SLC39A9: variants seen among roughly 807,000 people sequenced by gnomAD.
SLC39A9 encodes solute carrier family 39 member 9.
In SLC39A9, 14 loss-of-function variants were observed where a neutral mutation model predicts 28.4. That is an observed-to-expected ratio of 0.49 (90% CI 0.33 to 0.77). The LOEUF (loss-of-function observed/expected upper bound fraction) is 0.77. SLC39A9 is among the 30% of genes least tolerant of loss of function. SLC39A9 has a pLI of 0.02. For missense variants in SLC39A9, 283 were observed against 381.1 expected (o/e 0.74, Z 2.14); for synonymous variants, 119 against 149.6 (o/e 0.80, Z 1.49).
At chr14:69,414,025 C>G (rs1013555294) in intron 1 of SLC39A9, among the ~76,000 whole-genome samples, 6 of 151,268 alleles carry the variant, frequency 4.0e-5, no homozygotes, top group African/African-American at 1.5e-4. Flanking sequence ...AAACTTGCAC[C>G]AAACTCCTGT....
intron 2 of SLC39A9, among the ~76,000 whole-genome samples, chr14:69,434,416 TGGCTC>T (rs1051155506): frequency 6.7e-6 from 1 of 150,010 alleles, no homozygotes; most frequent in African/African-American, 2.4e-5. Context: ...CTAGGCATGG[TGGCTC>T]ACGCCTGTAA....
At position 69,459,566 on chromosome 14, in the gene SLC39A9, T is replaced by G. The variant is rs1886025204; in HGVS notation, c.*973T>G. On this transcript the variant is annotated 3_prime_UTR_variant, in exon 7 of 7. Coordinates refer to ENST00000336643, the MANE Select transcript of SLC39A9 (RefSeq NM_018375.5). ...TTGTCCTTTTTTTTTGTTTTTTTTT[T>G]TTTTAATTATTTCTCTTAGCAGATC... is the stretch of plus-strand genomic sequence containing the variant. 6.1e-6 allele frequency: 6 copies of G among 979,776 alleles called. No individual in the cohort carries two copies. Among genetic ancestry groups the G allele is most frequent in the Non-Finnish European group, 7.3e-6 (6 of 825,226 alleles). The allele number at this position is 979,776 out of a possible 1,614,324, so 60.7% of individuals were successfully genotyped here.
chr14:69,440,777 G>A (rs748387170), intron 2 of SLC39A9, among the ~76,000 whole-genome samples: 8 of 152,098 alleles, frequency 5.3e-5, no homozygotes, highest in Admixed American at 1.3e-4. Context: ...TGGTTCAAGC[G>A]ATTCTCCTGC....
intron 3 of SLC39A9, among the ~76,000 whole-genome samples, chr14:69,445,224 G>C (rs1160454437): frequency 6.6e-6 from 1 of 151,944 alleles, no homozygotes; most frequent in African/African-American, 2.4e-5. Flanking sequence ...GAGTGTGGCT[G>C]CCTCTCCTGC....
In SLC39A9 at chr14:69,399,348, TG is replaced by T. The variant is rs779527093; in HGVS notation, c.-19del. ...CTGGAAATTTGTTGTCTAGTGGTTG[TG>T]GGTGAATAAAGGAGGGCAGAATGGA... On this transcript the variant is annotated 5_prime_UTR_variant, in exon 1 of 7. Coordinates refer to ENST00000336643, the MANE Select transcript of SLC39A9 (RefSeq NM_018375.5). The T allele has an allele frequency of 8.1e-6, 13 of 1,607,642 alleles. No homozygotes were observed. Among genetic ancestry groups the T allele is most frequent in the Non-Finnish European group, 1.1e-5 (13 of 1,175,006 alleles).
chr14:69,436,137 C>T (rs1333772806), intron 2 of SLC39A9, among the ~76,000 whole-genome samples: 1 of 152,074 alleles, frequency 6.6e-6, no homozygotes, highest in Non-Finnish European at 1.5e-5. Context: ...CGCAGTGGCT[C>T]ACGCCTGTAA....
intron 1 of SLC39A9, among the ~76,000 whole-genome samples, chr14:69,416,434 G>A (rs1433219576): frequency 3.9e-5 from 6 of 152,166 alleles, no homozygotes; most frequent in Non-Finnish European, 7.4e-5. Context: ...ATAAACATAC[G>A]TGTGCATGTG....
chr14:69,413,669 A>G lies in SLC39A9; in HGVS notation c.97-10425A>G, dbSNP rs533261987. Among the ~76,000 whole-genome samples, 38 of 151,500 alleles carry G rather than the reference A, an allele frequency of 2.5e-4. 1 individual carries two copies. Among genetic ancestry groups the G allele is most frequent in the Admixed American group, 9.9e-4 (15 of 15,172 alleles). ...TTTTTTCTCTCGGTGTTGCTGAGGG[A>G]TTTTGCTGATTCATACTATTTTGAA... is the stretch of plus-strand genomic sequence containing the variant. On this transcript the variant is annotated intron_variant, in intron 1 of 6. Coordinates refer to ENST00000336643, the MANE Select transcript of SLC39A9 (RefSeq NM_018375.5).
intron 3 of SLC39A9, among the ~76,000 whole-genome samples, chr14:69,449,923 C>T (rs917432127): frequency 6.6e-6 from 1 of 151,986 alleles, no homozygotes; most frequent in African/African-American, 2.4e-5. Flanking sequence ...CACGGTGGCT[C>T]ACACCTGTAA....
chr14:69,436,930 C>T (rs958806085), intron 2 of SLC39A9, among the ~76,000 whole-genome samples: 2 of 152,202 alleles, frequency 1.3e-5, no homozygotes, highest in African/African-American at 4.8e-5. Flanking sequence ...ACACTTCAGA[C>T]CACTGGGATC....
chr14:69,443,695 C>T (rs1885153405), intron 3 of SLC39A9, among the ~76,000 whole-genome samples: 1 of 152,040 alleles, frequency 6.6e-6, no homozygotes, highest in South Asian at 2.1e-4. Context: ...CATGGCAAAA[C>T]TCCATCTCTA....
chr14:69,439,141 A>G (rs893469331), intron 2 of SLC39A9, among the ~76,000 whole-genome samples: 4 of 152,236 alleles, frequency 2.6e-5, no homozygotes, highest in African/African-American at 4.8e-5. Flanking sequence ...TACACTAACA[A>G]TGAACTATTT....
intron 3 of SLC39A9, among the ~76,000 whole-genome samples, chr14:69,448,431 A>G (rs1409804497): frequency 6.6e-6 from 1 of 152,152 alleles, no homozygotes; most frequent in South Asian, 2.1e-4. Flanking sequence ...TGAGCAGCAG[A>G]TGTACATCCT....
At chr14:69,425,658 TG>T (rs1884149250) in intron 2 of SLC39A9, among the ~76,000 whole-genome samples, 1 of 151,944 alleles carries the variant, frequency 6.6e-6, no homozygotes, top group African/African-American at 2.4e-5. Context: ...TTGGGGGTTT[TG>T]GGTTTTTTTT....
At position 69,406,117 on chromosome 14, in the gene SLC39A9, C is replaced by T. The variant is rs1240151343; in HGVS notation, c.96+6652C>T. Reference sequence around the variant, plus strand: ...AAATAGGATCTACCTAAATTGATGCCTTTAGCTCCCCAAATTAGGAACATC... The same window carrying T: ...AAATAGGATCTACCTAAATTGATGCTTTTAGCTCCCCAAATTAGGAACATC... On this transcript the variant is annotated intron_variant, in intron 1 of 6. Coordinates refer to ENST00000336643, the MANE Select transcript of SLC39A9 (RefSeq NM_018375.5). Among the ~76,000 whole-genome samples the T allele has an allele frequency of 2.0e-5, 3 of 152,292 alleles. No homozygotes were observed. The East Asian group carries it at 5.8e-4, about 29-fold the overall frequency.
intron 4 of SLC39A9, among the ~76,000 whole-genome samples, chr14:69,453,896 T>C (rs1220722125): frequency 1.3e-5 from 2 of 152,246 alleles, no homozygotes. Context: ...CTCAAATATT[T>C]ACTGTCTAGC....
At chr14:69,413,940 A>G (rs1883426408) in intron 1 of SLC39A9, among the ~76,000 whole-genome samples, 1 of 152,074 alleles carries the variant, frequency 6.6e-6, no homozygotes, top group South Asian at 2.1e-4. Context: ...TGAATTGATA[A>G]CTTTGGTAGC....
chr14:69,445,117 G>A (rs571421707), intron 3 of SLC39A9, among the ~76,000 whole-genome samples: 19 of 152,048 alleles, frequency 1.2e-4, no homozygotes, highest in African/African-American at 4.1e-4. Context: ...AGAAAGAAGG[G>A]GAAATAAGAA....
At chr14:69,402,535 G>T (rs1180066910) in intron 1 of SLC39A9, among the ~76,000 whole-genome samples, 1 of 151,986 alleles carries the variant, frequency 6.6e-6, no homozygotes, top group Non-Finnish European at 1.5e-5. Flanking sequence ...GGGTCTACCT[G>T]CCAGATGTGC....
Sources: gnomAD v4.1 joint callset for allele counts (sites outside exome capture counted in the v4.1 genomes callset) on GRCh38, gnomAD v4.1.1 for gene constraint, MANE v1.5 for transcripts, NCBI Gene and HGNC (gene_info 2026-07-23, HGNC 2026-07-21) for gene names.